Variants in MAP2 observed in about 807,000 individuals in gnomAD.
MAP2 encodes the protein microtubule associated protein 2.
Under a neutral mutation model 137.6 loss-of-function variants are expected in MAP2, and 14 were observed. The observed-to-expected ratio is 0.10, with a 90% CI of 0.07 to 0.16. The LOEUF (loss-of-function observed/expected upper bound fraction) is 0.16, where lower values mean the gene tolerates loss of function less well. MAP2 is among the 10% of genes least tolerant of loss of function. The pLI, the probability that MAP2 is intolerant of heterozygous loss-of-function variation, is 1.00. For missense variants in MAP2, 2,088 were observed against 2,191.5 expected (o/e 0.95, Z 0.94); for synonymous variants, 786 against 782.3 (o/e 1.00, Z -0.08).
chr2:209,551,668 C>A (rs1401432438), intron 2 of MAP2, among the ~76,000 whole-genome samples: 4 of 151,774 alleles, frequency 2.6e-5, no homozygotes, highest in African/African-American at 4.8e-5. Flanking sequence ...GAAAAAATTT[C>A]TATGATTTGA....
chr2:209,613,251 T>TTTTA lies in MAP2; in HGVS notation c.-106-11774_-106-11771dup, dbSNP rs140601805. Among the ~76,000 whole-genome samples, 1,214 of 150,578 alleles carry TTTTA rather than the reference T, an allele frequency of 8.1e-3. 7 individuals are homozygous for TTTTA. The highest frequency in any genetic ancestry group is 0.017 in the Admixed American group (257 of 15,180). Reference sequence around the variant, plus strand: ...CTCTTAACGTGTTTTTTATTTCTATTTTTATTTATTTATTTATTTATTTAT... The same window carrying TTTTA: ...CTCTTAACGTGTTTTTTATTTCTATTTTTATTTATTTATTTATTTATTTATTTAT... On this transcript the variant is annotated intron_variant, in intron 3 of 15. Transcript: ENST00000682079.
In MAP2 at chr2:209,625,120, C is replaced by T. The variant is rs564131969; in HGVS notation, c.-39C>T. On this transcript the variant is annotated 5_prime_UTR_variant, in exon 4 of 16. Transcript: ENST00000682079. ...CAACGAACTTTATATTTTACCACTT[C>T]CTTGAATAGGTAAGACTCTCTCTAC... 7.9e-5 allele frequency: 12 copies of T among 152,250 alleles called. No individual in the cohort carries two copies. Among genetic ancestry groups the T allele is most frequent in the Admixed American group, 7.2e-4 (11 of 15,284 alleles). The allele number at this position is 152,250 out of a possible 1,614,324, so 9.4% of individuals were successfully genotyped here.
chr2:209,662,667 A>G (rs1337916612), intron 5 of MAP2, among the ~76,000 whole-genome samples: 4 of 152,102 alleles, frequency 2.6e-5, no homozygotes, highest in Non-Finnish European at 4.4e-5. Flanking sequence ...ATAAAAATTT[A>G]AAACAATTCT....
At chr2:209,680,990 A>G (rs2054315162) in intron 7 of MAP2, among the ~76,000 whole-genome samples, 163 bp downstream of exon 7, 1 of 152,160 alleles carries the variant, frequency 6.6e-6, no homozygotes, top group Admixed American at 6.6e-5. Flanking sequence ...ATAAATAATC[A>G]CTTATTTTTA....
intron 3 of MAP2, among the ~76,000 whole-genome samples, chr2:209,612,031 T>A (rs1580548474): frequency 6.6e-6 from 1 of 152,222 alleles, no homozygotes; most frequent in East Asian, 1.9e-4. Flanking sequence ...TCTGTTAGGT[T>A]GCTTTAAGAC....
At chr2:209,450,637 A>G (rs897323698) in intron 1 of MAP2, among the ~76,000 whole-genome samples, 1 of 152,198 alleles carries the variant, frequency 6.6e-6, no homozygotes, top group Non-Finnish European at 1.5e-5. Context: ...TGTAATGAAG[A>G]TAGGGGTAAT....
At chr2:209,480,041 C>T (rs557309253) in intron 1 of MAP2, among the ~76,000 whole-genome samples, 1 of 152,210 alleles carries the variant, frequency 6.6e-6, no homozygotes, top group South Asian at 2.1e-4. Context: ...ACATTTTTCA[C>T]AATTTTCCTC....
chr2:209,425,283 G>T (rs1270357095), intron 1 of MAP2, among the ~76,000 whole-genome samples: 2 of 152,220 alleles, frequency 1.3e-5, no homozygotes, highest in Non-Finnish European at 2.9e-5. Flanking sequence ...TTAGCACAAT[G>T]CTTCCAGGAC....
At chr2:209,453,292 T>G (rs1169802538) in intron 1 of MAP2, among the ~76,000 whole-genome samples, 1 of 152,196 alleles carries the variant, frequency 6.6e-6, no homozygotes, top group South Asian at 2.1e-4. Flanking sequence ...GTATTTTCTT[T>G]GTTTAAGAAA....
chr2:209,721,958 C>A (rs554259097), intron 13 of MAP2: 2 of 152,186 alleles, frequency 1.3e-5, no homozygotes, highest in Admixed American at 6.5e-5. Flanking sequence ...TAATCAAGCC[C>A]GATCCTGCTT....
intron 1 of MAP2, among the ~76,000 whole-genome samples, chr2:209,470,637 A>T (rs1705432569): frequency 6.6e-6 from 1 of 152,234 alleles, no homozygotes; most frequent in Admixed American, 6.5e-5. Flanking sequence ...CCTCACCCGC[A>T]TTAACAGCCA....
intron 5 of MAP2, among the ~76,000 whole-genome samples, chr2:209,660,451 T>C (rs2042927060): frequency 7.5e-6 from 1 of 133,374 alleles, no homozygotes. Flanking sequence ...TGGAGTGCAG[T>C]GGCGCGATCT....
At position 209,693,927 on chromosome 2, in the gene MAP2, T is replaced by C. The variant is rs746402332; in HGVS notation, c.1757T>C (p.Ile586Thr). 6 of 1,612,360 alleles carry C rather than the reference T, an allele frequency of 3.7e-6. No individual in the cohort carries two copies. The South Asian group carries it at 6.6e-5, about 18-fold the overall frequency. ...SALKEEATKS[I>T]EPGSDYYELS... ...TTGAAAGAAGAAGCAACAAAAAGCATTGAGCCAGGCAGTGATTACTATGAA... is the reference window on the plus strand; with the variant it reads ...TTGAAAGAAGAAGCAACAAAAAGCACTGAGCCAGGCAGTGATTACTATGAA... Residue 586 changes from isoleucine (I) to threonine (T), a missense_variant, in exon 8 of 16, where the codon ATT (isoleucine) becomes ACT (threonine). Physicochemically the swap from Ile to Thr is moderately conservative, Grantham distance 89 (BLOSUM62 -1). Transcript: ENST00000682079.
intron 1 of MAP2, among the ~76,000 whole-genome samples, chr2:209,454,021 G>A (rs1055388987): frequency 3.8e-4 from 58 of 151,786 alleles, no homozygotes; most frequent in Non-Finnish European, 2.4e-4. Flanking sequence ...CGTGGTGGCG[G>A]GCGCCTGTAG....
intron 13 of MAP2, chr2:209,723,680 G>A (rs1226052293): frequency 1.2e-6 from 2 of 1,613,512 alleles, no homozygotes; most frequent in Middle Eastern, 3.3e-4. Flanking sequence ...TCGGCTGGGG[G>A]CGGAAATGTA....
At chr2:209,613,612 C>T (rs2087848942) in intron 3 of MAP2, among the ~76,000 whole-genome samples, 1 of 152,150 alleles carries the variant, frequency 6.6e-6, no homozygotes, top group Non-Finnish European at 1.5e-5. Flanking sequence ...GAGAAGAGCT[C>T]TACACTTGGT....
intron 1 of MAP2, among the ~76,000 whole-genome samples, chr2:209,499,382 G>T (rs1263378787): frequency 6.6e-6 from 1 of 152,088 alleles, no homozygotes; most frequent in African/African-American, 2.4e-5. Context: ...TCAGCATTTT[G>T]GTCACAACAA....
At chr2:209,476,082 C>A (rs1299030866) in intron 1 of MAP2, among the ~76,000 whole-genome samples, 1 of 151,974 alleles carries the variant, frequency 6.6e-6, no homozygotes, top group Admixed American at 6.6e-5. Flanking sequence ...AAACAAGTTT[C>A]TTATCATCCA....
chr2:209,676,580 GAA>G (rs2051599532), intron 5 of MAP2, among the ~76,000 whole-genome samples: 2 of 151,214 alleles, frequency 1.3e-5, no homozygotes, highest in Non-Finnish European at 3.0e-5. Context: ...CCTGACTTGG[GAA>G]ACCTTATATA....
Sources: allele counts gnomAD v4.1 joint callset (sites outside exome capture counted in the v4.1 genomes callset), GRCh38; gene constraint gnomAD v4.1.1; transcripts MANE v1.5; gene names NCBI Gene and HGNC (gene_info 2026-07-23, HGNC 2026-07-21).